The following ZC3H14 variants were observed in gnomAD, a reference collection of about 807,000 sequenced individuals.
ZC3H14 encodes zinc finger CCCH-type containing 14.
ZC3H14 carries 31 observed loss-of-function variants against 92.4 expected under a neutral mutation model. The observed-to-expected ratio is 0.34, with a 90% CI of 0.25 to 0.45. ZC3H14 has a LOEUF of 0.45. ZC3H14 is among the 20% of genes least tolerant of loss of function. The pLI is 1.00. For missense variants in ZC3H14, 781 were observed against 897.3 expected (o/e 0.87, Z 1.66); for synonymous variants, 321 against 300.9 (o/e 1.07, Z -0.69).
intron 9 of ZC3H14, among the ~76,000 whole-genome samples, chr14:88,586,176 TAAGTA>T (rs1382517456): frequency 6.6e-6 from 1 of 152,120 alleles, no homozygotes; most frequent in African/African-American, 2.4e-5. Flanking sequence ...TCAAAAAAAA[TAAGTA>T]AAATAAAATA....
At chr14:88,567,554 G>A (rs2079865144) in intron 2 of ZC3H14, among the ~76,000 whole-genome samples, 1 of 151,544 alleles carries the variant, frequency 6.6e-6, no homozygotes, top group African/African-American at 2.4e-5. Flanking sequence ...TGGAGCTTTT[G>A]GGTCTATTTG....
intron 7 of ZC3H14, 115 bp downstream of exon 7, chr14:88,574,968 G>A (rs1021379509): frequency 1.9e-5 from 28 of 1,470,298 alleles, no homozygotes; most frequent in Middle Eastern, 1.9e-4. Flanking sequence ...ACGGAGTCTC[G>A]CTCTGTCAAC....
chr14:88,587,959 A>G (rs557772667), intron 9 of ZC3H14, among the ~76,000 whole-genome samples: 2 of 152,296 alleles, frequency 1.3e-5, no homozygotes, highest in South Asian at 4.1e-4. Flanking sequence ...TTTAAAGACT[A>G]TATAAATATT....
At position 88,624,066 on chromosome 14, in the gene ZC3H14, ATTTT is replaced by A. The variant is rs1008731884; in HGVS notation, c.*12321_*12324del. ...TACTTCTTAGTCAACTATATGTCAC[ATTTT>A]TTTTTGTTTTTGTTTTTGTTTTTTA... On this transcript the variant is annotated 3_prime_UTR_variant, in exon 17 of 17. Coordinates refer to ENST00000251038, the MANE Select transcript of ZC3H14 (RefSeq NM_024824.5). The A allele has an allele frequency of 6.6e-6, 1 of 150,772 alleles. No homozygotes were observed. The highest frequency in any genetic ancestry group is 2.4e-5 in the African/African-American group (1 of 40,970). 9.3% of individuals were successfully genotyped at this position (150,772 alleles called of 1,614,324 possible).
rs1231846696 is a variant in ZC3H14, at chr14:88,572,634, G to C, written c.488G>C (p.Arg163Thr). Residue 163 changes from arginine to threonine, a missense_variant, in exon 6 of 17, where the codon AGG (arginine) becomes ACG (threonine). Coordinates refer to ENST00000251038, the MANE Select transcript of ZC3H14 (RefSeq NM_024824.5). Reference sequence around the variant, plus strand: ...CTAATGTCAACAGTGAAACCTTTGAGGGAGCCAGCACCCTCTGAAGATGTG... The same window carrying C: ...CTAATGTCAACAGTGAAACCTTTGACGGAGCCAGCACCCTCTGAAGATGTG... ...TRLMSTVKPL[R>T]EPAPSEDVID... 6.2e-7 allele frequency: 1 copy of C among 1,614,026 alleles called. No homozygotes were observed. Among genetic ancestry groups the C allele is most frequent in the Non-Finnish European group, 8.5e-7 (1 of 1,180,048 alleles).
chr14:88,566,187 T>G (rs573383833), intron 2 of ZC3H14, among the ~76,000 whole-genome samples: 60 of 151,858 alleles, frequency 4.0e-4, no homozygotes, highest in Admixed American at 3.4e-3. Context: ...GCCTAAATTT[T>G]TTTTTGGAAA....
Position 88,622,337 on chromosome 14 carries a change from T to G in ZC3H14, c.*10586T>G. 3.2e-6 allele frequency: 1 copy of G among 312,912 alleles called. No individual in the cohort carries two copies. Among genetic ancestry groups the G allele is most frequent in the Non-Finnish European group, 5.8e-6 (1 of 171,912 alleles). The allele number at this position is 312,912 out of a possible 1,614,324, so 19.4% of individuals were successfully genotyped here. On this transcript the variant is annotated 3_prime_UTR_variant, in exon 17 of 17. Coordinates refer to ENST00000251038, the MANE Select transcript of ZC3H14 (RefSeq NM_024824.5). Reference sequence around the variant, plus strand: ...GAGTCAACTGCCAAGGGCTTTCAATTATGTCTACTAGAGTTGTTAAATTGG... The same window carrying G: ...GAGTCAACTGCCAAGGGCTTTCAATGATGTCTACTAGAGTTGTTAAATTGG...
rs763988292 is a variant in ZC3H14, at chr14:88,601,928, C to T, written c.1359C>T (p.Tyr453=). ...MAETLQMSQD[Y]YDMESMVHAD... ...TGGCCAATTTTTTTGGCTCAGATTACTATGACATGGAATCCATGGTCCATG... is the reference window on the plus strand; with the variant it reads ...TGGCCAATTTTTTTGGCTCAGATTATTATGACATGGAATCCATGGTCCATG... The change falls in exon 11 of 17, where the codon TAC becomes TAT. Residue 453 remains tyrosine (Y), a synonymous_variant. Coordinates refer to ENST00000251038, the MANE Select transcript of ZC3H14 (RefSeq NM_024824.5). 5.0e-6 allele frequency: 8 copies of T among 1,613,918 alleles called. No homozygotes were observed. In the Admixed American group the frequency reaches 6.7e-5, roughly 13 times the overall value.
rs539163379 is a variant in ZC3H14, at chr14:88,622,853, C to A, written c.*11102C>A. ...ATATTTATAATTTACCTCTAATATT[C>A]TTGTAAACTTTCTATGGCAATTTGA... On this transcript the variant is annotated 3_prime_UTR_variant, in exon 17 of 17. Transcript: ENST00000251038. 5.7e-6 allele frequency: 3 copies of A among 525,488 alleles called. No individual in the cohort carries two copies. In the Admixed American group the frequency reaches 1.2e-4, roughly 21 times the overall value. The allele number at this position is 525,488 out of a possible 1,614,324, so 32.6% of individuals were successfully genotyped here. A position where few individuals can be genotyped will look rare whatever the true frequency, so the allele number is the denominator to read the frequency against.
At chr14:88,567,283 T>G (rs1236878598) in intron 2 of ZC3H14, among the ~76,000 whole-genome samples, 1 of 151,570 alleles carries the variant, frequency 6.6e-6, no homozygotes, top group African/African-American at 2.4e-5. Context: ...ACCCGGCTAA[T>G]TTTTTGTATT....
intron 9 of ZC3H14, among the ~76,000 whole-genome samples, chr14:88,586,161 C>T (rs1353026544): frequency 6.6e-6 from 1 of 152,226 alleles, no homozygotes; most frequent in Non-Finnish European, 1.5e-5. Flanking sequence ...AAGCGACACT[C>T]CTTATCAAAA....
intron 1 of ZC3H14, 111 bp from the exon 2 acceptor site, chr14:88,563,540 C>G (rs2079156263): frequency 2.5e-6 from 4 of 1,582,174 alleles, no homozygotes; most frequent in African/African-American, 1.3e-5. Context: ...AGCCCCCGCC[C>G]GGGGGATCCG....
At chr14:88,588,068 T>C (rs2082668199) in intron 9 of ZC3H14, among the ~76,000 whole-genome samples, 1 of 152,202 alleles carries the variant, frequency 6.6e-6, no homozygotes. Context: ...CTTAGGTTCT[T>C]CTTTTTTCCC....
chr14:88,572,014 G>A lies in ZC3H14; in HGVS notation c.236-16G>A, dbSNP rs372086804. On this transcript the variant is annotated splice_polypyrimidine_tract_variant and intron_variant, in intron 4 of 16. Transcript: ENST00000251038. ...GAAATAAAAATAGATTAAAAGGACT[G>A]TATTTTTCTTTTCAGAACCCTCTAG... 2 of 1,592,818 alleles carry A rather than the reference G, an allele frequency of 1.3e-6. No individual in the cohort carries two copies. Among genetic ancestry groups the A allele is most frequent in the African/African-American group, 1.3e-5 (1 of 74,348 alleles).
At chr14:88,574,118 A>G (rs1162803582) in intron 6 of ZC3H14, among the ~76,000 whole-genome samples, 1 of 152,212 alleles carries the variant, frequency 6.6e-6, no homozygotes, top group Non-Finnish European at 1.5e-5. Flanking sequence ...GTGAGCAACC[A>G]ATTAACTCTG....
rs781608905 is a variant in ZC3H14, at chr14:88,616,228, C to G, written c.*4477C>G. The stretch of plus-strand genomic sequence containing the variant: ...TCACATGGGGCGAATGACCCAAGAA[C>G]CTTTTGTGTTTTGCCTAAAAAACAA... On this transcript the variant is annotated 3_prime_UTR_variant, in exon 17 of 17. Transcript: ENST00000251038. 6.2e-7 allele frequency: 1 copy of G among 1,613,850 alleles called. No homozygotes were observed. The highest frequency in any genetic ancestry group is 1.1e-5 in the South Asian group (1 of 91,080).
At position 88,618,243 on chromosome 14, in the gene ZC3H14, C is replaced by G. The variant is rs1323178649; in HGVS notation, c.*6492C>G. Reference sequence around the variant, plus strand: ...AAGTATTTACCTAGTCCATGTAGCCCAAGTAATTCTGTCAATAGCGGCATG... The same window carrying G: ...AAGTATTTACCTAGTCCATGTAGCCGAAGTAATTCTGTCAATAGCGGCATG... On this transcript the variant is annotated 3_prime_UTR_variant, in exon 17 of 17. Coordinates refer to ENST00000251038, the MANE Select transcript of ZC3H14 (RefSeq NM_024824.5). 1 of 1,613,636 alleles carries G rather than the reference C, an allele frequency of 6.2e-7. No individual in the cohort carries two copies.
intron 4 of ZC3H14, among the ~76,000 whole-genome samples, chr14:88,571,647 G>A (rs546463421): frequency 8.5e-5 from 13 of 152,216 alleles, no homozygotes; most frequent in African/African-American, 2.9e-4. Flanking sequence ...TTGGTGATGA[G>A]GAAGGAAACG....
At chr14:88,583,207 C>G (rs982041312) in intron 9 of ZC3H14, among the ~76,000 whole-genome samples, 2 of 151,260 alleles carry the variant, frequency 1.3e-5, no homozygotes, top group African/African-American at 2.4e-5. Flanking sequence ...TTGTAGCTCA[C>G]TGCAACCTCA....
Sources: allele counts gnomAD v4.1 joint callset (sites outside exome capture counted in the v4.1 genomes callset), GRCh38; gene constraint gnomAD v4.1.1; transcripts MANE v1.5; gene names NCBI Gene and HGNC (gene_info 2026-07-23, HGNC 2026-07-21).